PTPRD: variants seen among roughly 807,000 people sequenced by gnomAD.
The protein encoded by PTPRD is receptor-type tyrosine-protein phosphatase delta.
A neutral mutation model predicts 214.5 loss-of-function variants in PTPRD; 34 were observed. The ratio of observed to expected loss-of-function variants is 0.16; its 90% CI spans 0.12 to 0.21. The LOEUF (loss-of-function observed/expected upper bound fraction) is 0.21. Ranked by LOEUF, PTPRD falls within the 10% of genes least tolerant of loss-of-function variation. The pLI, the probability that PTPRD is intolerant of heterozygous loss-of-function variation, is 1.00. For missense variants in PTPRD, 2,545 were observed against 2,398.7 expected (o/e 1.06, Z -1.27); for synonymous variants, 1,128 against 845.7 (o/e 1.33, Z -5.79).
intron 12 of PTPRD, among the ~76,000 whole-genome samples, chr9:8,708,192 T>G (rs1187728164): frequency 2.0e-5 from 3 of 152,178 alleles, no homozygotes; most frequent in African/African-American, 4.8e-5. Context: ...TCTCAGCCAA[T>G]GTGCAAATAG....
intron 14 of PTPRD, among the ~76,000 whole-genome samples, chr9:8,570,680 T>C (rs1337686570): frequency 1.3e-5 from 2 of 152,160 alleles, no homozygotes; most frequent in African/African-American, 4.8e-5. Flanking sequence ...CTTTTCCTTT[T>C]AGCTCAATGT....
rs182664981 is a variant in PTPRD, at chr9:9,133,229, T to A, written c.-143+50075A>T. On this transcript the variant is annotated intron_variant, in intron 10 of 45. Transcript: ENST00000381196. Reference sequence around the variant, plus strand: ...GAATTACACAGAGGTAGGGCAGGTGTTGGCTGGCAGATAGATGGTGATGTT... The same window carrying A: ...GAATTACACAGAGGTAGGGCAGGTGATGGCTGGCAGATAGATGGTGATGTT... 8.2e-3 allele frequency among the ~76,000 whole-genome samples: 1,251 copies of A among 152,250 alleles called. 10 individuals carry two copies. The highest frequency in any genetic ancestry group is 0.013 in the Non-Finnish European group (861 of 68,024).
rs1346218601 is a variant in PTPRD, at chr9:8,641,486, T to C, written c.65-4642A>G. 1.3e-5 allele frequency among the ~76,000 whole-genome samples: 2 copies of C among 148,472 alleles called. 1 individual carries two copies. Among genetic ancestry groups the C allele is most frequent in the African/African-American group, 5.3e-5 (2 of 37,926 alleles). ...TTGTGCTCAAGTTGGTTTTGACAAG[T>C]GAGGAGTATGATCTTTTATTAAACT... On this transcript the variant is annotated intron_variant, in intron 12 of 45. Transcript: ENST00000381196.
chr9:8,358,696 G>C (rs972545266), intron 39 of PTPRD, among the ~76,000 whole-genome samples: 11 of 151,940 alleles, frequency 7.2e-5, no homozygotes, highest in Non-Finnish European at 1.5e-4. Flanking sequence ...AATTCAGTTA[G>C]CCTAACCACA....
chr9:9,559,190 C>G (rs987864651), intron 8 of PTPRD, among the ~76,000 whole-genome samples: 3 of 152,160 alleles, frequency 2.0e-5, no homozygotes, highest in Non-Finnish European at 4.4e-5. Context: ...CCCATCAACA[C>G]ACCCATCCCG....
chr9:10,593,753 A>C (rs757228500), intron 2 of PTPRD, among the ~76,000 whole-genome samples: 1 of 152,130 alleles, frequency 6.6e-6, no homozygotes, highest in Middle Eastern at 3.4e-3. Context: ...TTTAAAATGA[A>C]GGGAAAATCT....
At chr9:10,537,199 C>G (rs2058028391) in intron 2 of PTPRD, among the ~76,000 whole-genome samples, 1 of 152,236 alleles carries the variant, frequency 6.6e-6, no homozygotes, top group East Asian at 1.9e-4. Context: ...CAACGTATTT[C>G]TTATGTGAAA....
At chr9:8,948,022 T>A (rs1758307491) in intron 11 of PTPRD, among the ~76,000 whole-genome samples, 1 of 1,790 alleles carries the variant, frequency 5.6e-4, no homozygotes, top group Admixed American at 2.6e-3. Context: ...TCTCTCTCTC[T>A]TTTTTTTTTT....
chr9:9,387,557 C>G (rs969843550), intron 9 of PTPRD, among the ~76,000 whole-genome samples: 1 of 152,124 alleles, frequency 6.6e-6, no homozygotes, highest in African/African-American at 2.4e-5. Flanking sequence ...ATTCCCTCCT[C>G]TGCTTTTATT....
At chr9:9,588,119 T>A (rs1447106783) in intron 7 of PTPRD, among the ~76,000 whole-genome samples, 1 of 151,724 alleles carries the variant, frequency 6.6e-6, no homozygotes, top group Admixed American at 6.6e-5. Flanking sequence ...CCTAAATATA[T>A]AAACTATCAT....
chr9:9,103,247 A>T (rs2099793721), intron 10 of PTPRD, among the ~76,000 whole-genome samples: 2 of 152,114 alleles, frequency 1.3e-5, no homozygotes, highest in Non-Finnish European at 2.9e-5. Flanking sequence ...AGAAAAAGGG[A>T]TTAAGGGAAC....
intron 9 of PTPRD, among the ~76,000 whole-genome samples, chr9:9,345,309 T>C (rs907563771): frequency 1.3e-5 from 2 of 152,118 alleles, no homozygotes; most frequent in African/African-American, 4.8e-5. Flanking sequence ...GCAGCCCTCA[T>C]CTTCTGCAAG....
intron 11 of PTPRD, among the ~76,000 whole-genome samples, chr9:8,881,609 G>A (rs891424255): frequency 5.9e-5 from 9 of 152,324 alleles, no homozygotes; most frequent in East Asian, 5.8e-4. Flanking sequence ...TTCAACGTAC[G>A]TGTTTTTCTA....
intron 9 of PTPRD, among the ~76,000 whole-genome samples, chr9:9,366,585 G>T (rs926804639): frequency 9.9e-5 from 15 of 151,556 alleles, no homozygotes; most frequent in Admixed American, 5.9e-4. Context: ...TGTTTAATCA[G>T]ACAGAAATTT....
At chr9:8,434,139 C>T (rs1276403309) in intron 35 of PTPRD, among the ~76,000 whole-genome samples, 4 of 152,126 alleles carry the variant, frequency 2.6e-5, no homozygotes, top group Admixed American at 6.6e-5. Context: ...CACGCCACCA[C>T]GCCTGGCTAA....
intron 9 of PTPRD, among the ~76,000 whole-genome samples, chr9:9,294,419 T>G (rs776737941): frequency 1.3e-5 from 2 of 151,750 alleles, no homozygotes; most frequent in Admixed American, 1.3e-4. Context: ...TTGTTATGGA[T>G]TGAATAAATA....
chr9:9,528,674 A>G (rs536014266), intron 8 of PTPRD, among the ~76,000 whole-genome samples: 1 of 152,238 alleles, frequency 6.6e-6, no homozygotes, highest in South Asian at 2.1e-4. Flanking sequence ...TAATGGAACT[A>G]CTGAAGGTCA....
intron 5 of PTPRD, among the ~76,000 whole-genome samples, chr9:9,830,044 G>A (rs938906287): frequency 6.6e-6 from 1 of 151,560 alleles, no homozygotes; most frequent in Non-Finnish European, 1.5e-5. Flanking sequence ...GCCTCAGCAA[G>A]TTTTCCTAAA....
chr9:9,214,552 G>A (rs1469380403), intron 9 of PTPRD, among the ~76,000 whole-genome samples: 3 of 151,158 alleles, frequency 2.0e-5, no homozygotes, highest in African/African-American at 7.3e-5. Context: ...AAACTTATTA[G>A]AGCTTCTCAA....
Sources: allele counts gnomAD v4.1 joint callset (sites outside exome capture counted in the v4.1 genomes callset), GRCh38; gene constraint gnomAD v4.1.1; transcripts MANE v1.5; gene names NCBI Gene and HGNC (gene_info 2026-07-23, HGNC 2026-07-21).